The following CSMD1 variants were observed in gnomAD, a reference collection of about 807,000 sequenced individuals.
CSMD1 encodes the protein CUB and sushi domain-containing protein 1.
A neutral mutation model predicts 417.5 loss-of-function variants in CSMD1; 213 were observed. That is an observed-to-expected ratio of 0.51 (90% confidence interval 0.46 to 0.57). The LOEUF (loss-of-function observed/expected upper bound fraction) is 0.57. Among genes scored for constraint, CSMD1 ranks in the 20% least tolerant of loss-of-function variants. The pLI, the probability that CSMD1 is intolerant of heterozygous loss-of-function variation, is 0.00. For missense variants in CSMD1, 6,923 were observed against 4,529.7 expected, an observed-to-expected ratio of 1.53 and a Z score of -15.17; for synonymous variants, 2,862 against 1,736.8, an observed-to-expected ratio of 1.65 and a Z score of -16.11.
At chr8:3,362,870 G>C (rs758466877) in intron 20 of CSMD1, among the ~76,000 whole-genome samples, 1 of 152,086 alleles carries the variant, frequency 6.6e-6, no homozygotes, top group East Asian at 1.9e-4. Context: ...TGCATCTCTT[G>C]CTGGGATTAT....
At chr8:3,405,342 C>A (rs930665291) in intron 15 of CSMD1, among the ~76,000 whole-genome samples, 1 of 152,122 alleles carries the variant, frequency 6.6e-6, no homozygotes, top group East Asian at 1.9e-4. Context: ...TTATTAGAGG[C>A]AACATCTTTT....
intron 3 of CSMD1, among the ~76,000 whole-genome samples, chr8:4,363,507 T>C (rs951024436): frequency 1.3e-5 from 2 of 152,162 alleles, no homozygotes; most frequent in East Asian, 3.8e-4. Context: ...ATACTTTTAT[T>C]GTTTGCAAAG....
chr8:3,731,958 G>C (rs1278476916), intron 6 of CSMD1, among the ~76,000 whole-genome samples: 1 of 152,072 alleles, frequency 6.6e-6, no homozygotes, highest in African/African-American at 2.4e-5. Context: ...CCAAACCCTG[G>C]GCTCTCACTG....
intron 1 of CSMD1, among the ~76,000 whole-genome samples, chr8:4,822,757 G>A (rs960067080): frequency 6.6e-6 from 1 of 151,982 alleles, no homozygotes; most frequent in Non-Finnish European, 1.5e-5. Flanking sequence ...ATATAATACT[G>A]TTTTTAACCT....
chr8:4,223,644 G>A (rs1425767350), intron 3 of CSMD1, among the ~76,000 whole-genome samples: 1 of 152,216 alleles, frequency 6.6e-6, no homozygotes. Flanking sequence ...GACTCAGCGA[G>A]TTAAACCCCA....
chr8:4,729,356 T>C (rs1308215126), intron 1 of CSMD1, among the ~76,000 whole-genome samples: 1 of 152,156 alleles, frequency 6.6e-6, no homozygotes, highest in Non-Finnish European at 1.5e-5. Context: ...CAGTAACTGA[T>C]TGCAGTAGGT....
intron 50 of CSMD1, among the ~76,000 whole-genome samples, chr8:3,048,052 C>T (rs891782685): frequency 6.6e-6 from 1 of 152,150 alleles, no homozygotes. Context: ...GGTAACACAT[C>T]ATTGCTTACA....
At position 4,255,522 on chromosome 8, in the gene CSMD1, G is replaced by A. The variant is rs17069762; in HGVS notation, c.415+164431C>T. ...AATGTGCAATAGCAGTGGATTAACC[G>A]GTTAAAAGTCGCAATCACTTTTGTT... On this transcript the variant is annotated intron_variant, in intron 3 of 69. Transcript: ENST00000635120. Among the ~76,000 whole-genome samples the A allele has an allele frequency of 1.7e-3, 261 of 152,192 alleles. 1 individual carries two copies. The highest frequency in any genetic ancestry group is 5.7e-3 in the African/African-American group (236 of 41,534).
intron 55 of CSMD1, 32 bp downstream of exon 55, chr8:2,978,580 C>G (rs615578): frequency 0.81 from 1,250,889 of 1,537,628 alleles, 510,171 homozygotes; most frequent in East Asian, 0.84. Context: ...GCAGGGGTCT[C>G]TGCACAGAAA....
intron 3 of CSMD1, among the ~76,000 whole-genome samples, chr8:4,406,994 T>C (rs1805070376): frequency 6.6e-6 from 1 of 152,142 alleles, no homozygotes; most frequent in Non-Finnish European, 1.5e-5. Context: ...AGCTTTAGGG[T>C]TGGGATTCCA....
chr8:3,053,229 G>A (rs1811986126), intron 49 of CSMD1, among the ~76,000 whole-genome samples: 1 of 152,170 alleles, frequency 6.6e-6, no homozygotes, highest in East Asian at 1.9e-4. Context: ...CCACTCTCAT[G>A]CAGCTTAGCC....
intron 10 of CSMD1, among the ~76,000 whole-genome samples, chr8:3,553,685 T>G (rs1799016880): frequency 6.6e-6 from 1 of 152,204 alleles, no homozygotes; most frequent in South Asian, 2.1e-4. Context: ...GGAAACCAAT[T>G]TTAGTAGGTC....
chr8:3,929,957 G>A (rs1448906534), intron 5 of CSMD1, among the ~76,000 whole-genome samples: 1 of 150,432 alleles, frequency 6.6e-6, no homozygotes, highest in East Asian at 2.0e-4. Context: ...GTGAGACACT[G>A]TGCACAGCCT....
At chr8:3,891,818 T>C (rs1179592190) in intron 5 of CSMD1, among the ~76,000 whole-genome samples, 1 of 152,162 alleles carries the variant, frequency 6.6e-6, no homozygotes, top group East Asian at 1.9e-4. Flanking sequence ...TCTACAAGCC[T>C]AATTCTCTCA....
At chr8:3,855,465 G>A (rs985384236) in intron 5 of CSMD1, among the ~76,000 whole-genome samples, 1 of 152,150 alleles carries the variant, frequency 6.6e-6, no homozygotes, top group Non-Finnish European at 1.5e-5. Context: ...TTTTCATGGT[G>A]AAATGTGCTA....
chr8:3,766,929 C>A (rs750465169), intron 5 of CSMD1, among the ~76,000 whole-genome samples: 5 of 152,080 alleles, frequency 3.3e-5, no homozygotes, highest in East Asian at 3.9e-4. Flanking sequence ...AGATATCCAA[C>A]GAGTCCGACG....
chr8:4,028,570 A>G (rs1179022116), intron 4 of CSMD1, among the ~76,000 whole-genome samples: 1 of 152,248 alleles, frequency 6.6e-6, no homozygotes, highest in East Asian at 1.9e-4. Flanking sequence ...TACTGAAGGA[A>G]ATAATATAAT....
At chr8:4,389,623 C>G (rs1426153624) in intron 3 of CSMD1, among the ~76,000 whole-genome samples, 1 of 152,000 alleles carries the variant, frequency 6.6e-6, no homozygotes, top group Non-Finnish European at 1.5e-5. Context: ...TCTACAAATC[C>G]CTCCACAAAT....
At chr8:2,988,590 C>G (rs941779302) in intron 54 of CSMD1, among the ~76,000 whole-genome samples, 1 of 152,150 alleles carries the variant, frequency 6.6e-6, no homozygotes, top group Admixed American at 6.5e-5. Flanking sequence ...AAATGTGATT[C>G]TCAAAATAAA....
Sources: allele counts gnomAD v4.1 joint callset (sites outside exome capture counted in the v4.1 genomes callset), GRCh38; gene constraint gnomAD v4.1.1; transcripts MANE v1.5; gene names NCBI Gene and HGNC (gene_info 2026-07-23, HGNC 2026-07-21).